TMC6: variants seen among roughly 807,000 people sequenced by gnomAD.
TMC6 encodes the protein transmembrane channel like 6.
Under a neutral mutation model 95.4 loss-of-function variants are expected in TMC6, and 71 were observed. The observed-to-expected ratio is 0.74, with a 90% CI of 0.61 to 0.91. The LOEUF is 0.91. Ranked by LOEUF, TMC6 falls within the 40% of genes least tolerant of loss-of-function variation. The probability of loss-of-function intolerance (pLI) is 0.00; values close to 1 mark genes in which losing one functional copy is unlikely to be tolerated. For synonymous variants in TMC6, 514 were observed against 483.1 expected, an observed-to-expected ratio of 1.06 and a Z score of -0.84; for missense variants, 1,074 against 1,079.1, an observed-to-expected ratio of 1.00 and a Z score of 0.07.
chr17:78,113,216 C>A lies in TMC6; in HGVS notation c.2355-5G>T. Reference sequence around the variant, plus strand: ...GCCTCCTCGGTTGTCCCAACCCTGCCAGAAAGAGACATCACTGAGGGGACC... The same window carrying A: ...GCCTCCTCGGTTGTCCCAACCCTGCAAGAAAGAGACATCACTGAGGGGACC... On this transcript the variant is annotated splice_region_variant and splice_polypyrimidine_tract_variant and intron_variant, in intron 19 of 19. Coordinates refer to ENST00000590602, the MANE Select transcript of TMC6 (RefSeq NM_001127198.5). 1 of 1,552,590 alleles carries A rather than the reference C, an allele frequency of 6.4e-7. No homozygotes were observed. Among genetic ancestry groups the A allele is most frequent in the East Asian group, 2.4e-5 (1 of 41,890 alleles).
chr17:78,130,817 G>C (rs2074944579), upstream of TMC6: 1 of 152,526 alleles, frequency 6.6e-6, no homozygotes, highest in Non-Finnish European at 1.5e-5. Context: ...TCTGAGAAGG[G>C]GACTCCTCCA....
chr17:78,113,977 A>G, intron 18 of TMC6: 1 of 373,800 alleles, frequency 2.7e-6, no homozygotes, highest in Admixed American at 3.7e-5. Context: ...AAGGGGGATA[A>G]TAACACAAGG....
Position 78,122,965 on chromosome 17 carries a change from G to C in TMC6, c.1083-216C>G, listed in dbSNP as rs961151620. On this transcript the variant is annotated intron_variant, in intron 9 of 19. Transcript: ENST00000590602. This position sits in a 1 kb window ranked among gnomAD's most constrained non-coding sequence, Gnocchi z 4.9. ...ACCCACCAGCCACATCTGCCTAGAAGAGGGGGCAGGGCTGCATTCACCGCG... is the reference window on the plus strand; with the variant it reads ...ACCCACCAGCCACATCTGCCTAGAACAGGGGGCAGGGCTGCATTCACCGCG... 13 of 667,108 alleles carry C rather than the reference G, an allele frequency of 1.9e-5. No homozygotes were observed. Among genetic ancestry groups the C allele is most frequent in the Non-Finnish European group, 3.4e-5 (13 of 384,264 alleles). 41.3% of individuals were successfully genotyped at this position (667,108 alleles called of 1,614,324 possible). A position where few individuals can be genotyped will look rare whatever the true frequency, so the allele number is the denominator to read the frequency against.
rs996260594 is a variant in TMC6, at chr17:78,113,197, T to A, written c.2369A>T (p.Glu790Val). Residue 790 changes from glutamate (E) to valine (V), a missense_variant, in exon 20 of 20, where the codon GAG (glutamate) becomes GTG (valine). Physicochemically the swap from Glu to Val is moderately radical, Grantham distance 121. Transcript: ENST00000590602. Reference protein sequence around the residue: ...REERSRVGTTEEAAAPPALLT... With the variant: ...REERSRVGTTVEAAAPPALLT... ...CAGGGCAGGGGGTGCCGCAGCCTCC[T>A]CGGTTGTCCCAACCCTGCCAGAAAG... The A allele has an allele frequency of 1.9e-6, 3 of 1,556,990 alleles. No homozygotes were observed. The Admixed American group carries it at 5.8e-5, about 30-fold the overall frequency.
chr17:78,126,057 G>T, intron 4 of TMC6, 173 bp from the exon 5 acceptor site: 2 of 1,143,360 alleles, frequency 1.7e-6, no homozygotes, highest in Non-Finnish European at 2.5e-6. Context: ...ACCCCGTGAT[G>T]ACTCTGGAGT....
At position 78,120,934 on chromosome 17, in the gene TMC6, G is replaced by A. The variant is rs962971490; in HGVS notation, c.1535+79C>T. 5 of 1,612,194 alleles carry A rather than the reference G, an allele frequency of 3.1e-6. No homozygotes were observed. In the Admixed American group the frequency reaches 6.7e-5, roughly 21 times the overall value. On this transcript the variant is annotated intron_variant, in intron 12 of 19. Coordinates refer to ENST00000590602, the MANE Select transcript of TMC6 (RefSeq NM_001127198.5). ...CTTGGTCACACCGGCCTCATCCTAA[G>A]TAGGTTTGGATACACCCGGAGCTAA...
In TMC6 at chr17:78,117,922, G is replaced by T. The variant is rs1302698539; in HGVS notation, c.1901C>A (p.Ala634Asp). 1 of 1,602,186 alleles carries T rather than the reference G, an allele frequency of 6.2e-7. No individual in the cohort carries two copies. The highest frequency in any genetic ancestry group is 8.5e-7 in the Non-Finnish European group (1 of 1,175,236). The change falls in exon 16 of 20, where the codon GCC becomes GAC. Residue 634 changes from alanine (A) to aspartate (D), a missense_variant. By Grantham distance (126) the Ala-to-Asp change is moderately radical. Transcript: ENST00000590602. Reference sequence around the variant, plus strand: ...GGGCCGGCGCGGCGCCTGGCAGTTGGCCAGAAGGCTGGTCTGTGGGGAAAG... The same window carrying T: ...GGGCCGGCGCGGCGCCTGGCAGTTGTCCAGAAGGCTGGTCTGTGGGGAAAG... ...VFYVKKTSLL[A>D]NCQAPRRPWL... is the part of the protein sequence containing the mutation.
chr17:78,129,289 C>T (rs1478701272), upstream of TMC6, among the ~76,000 whole-genome samples: 1 of 152,148 alleles, frequency 6.6e-6, no homozygotes, highest in South Asian at 2.1e-4. This position sits in a 1 kb window ranked among gnomAD's most constrained non-coding sequence, Gnocchi z 4.3. Context: ...AAGGAGGACA[C>T]GCTGACACTT....
chr17:78,129,381 C>T (rs1387341790), upstream of TMC6, among the ~76,000 whole-genome samples: 3 of 152,146 alleles, frequency 2.0e-5, no homozygotes, highest in Admixed American at 6.5e-5. This position sits in a 1 kb window ranked among gnomAD's most constrained non-coding sequence, Gnocchi z 4.3. Flanking sequence ...ACTGATATTC[C>T]CATTTCACAG....
intron 9 of TMC6, 76 bp downstream of exon 9, chr17:78,123,913 A>AT (rs1226665290): frequency 1.1e-5 from 18 of 1,566,578 alleles, no homozygotes; most frequent in Non-Finnish European, 1.3e-5. Context: ...AAGAGGGAAG[A>AT]ATCAATGAAT....
In TMC6 at chr17:78,119,215, G is replaced by A; in HGVS notation, c.1811+82C>T. The A allele has an allele frequency of 1.9e-6, 3 of 1,570,152 alleles. No individual in the cohort carries two copies. The South Asian group carries it at 3.3e-5, about 17-fold the overall frequency. ...GGCCGGGCCTGGCTGTGGCCCCAGG[G>A]GGAGGCAGGTACAGGACCCCCGGGG... On this transcript the variant is annotated intron_variant, in intron 14 of 19. Transcript: ENST00000590602.
In TMC6 at chr17:78,110,915, G is replaced by A. The variant is rs1275365420; in HGVS notation, c.*2233C>T. ...TGAAGAAATACGGGAGGTCCTCACT[G>A]GAGGGTCTGGGGCCACACGGTGGGT... On this transcript the variant is annotated 3_prime_UTR_variant, in exon 20 of 20. Transcript: ENST00000590602. 6.7e-6 allele frequency: 1 copy of A among 148,310 alleles called. No homozygotes were observed. Among genetic ancestry groups the A allele is most frequent in the Non-Finnish European group, 1.5e-5 (1 of 67,324 alleles). 9.2% of individuals were successfully genotyped at this position (148,310 alleles called of 1,614,324 possible). A position where few individuals can be genotyped will look rare whatever the true frequency, so the allele number is the denominator to read the frequency against.
Position 78,126,659 on chromosome 17 carries a change from G to A in TMC6, c.57-11C>T, listed in dbSNP as rs1568004033. On this transcript the variant is annotated splice_polypyrimidine_tract_variant and intron_variant, in intron 2 of 19. Transcript: ENST00000590602. ...GGGCTGGGGCCCTGGCTGCAGAGGG[G>A]GTTGGCGGGGGGGTCAGGCTCCAGC... 2 of 1,612,886 alleles carry A rather than the reference G, an allele frequency of 1.2e-6. No homozygotes were observed. Among genetic ancestry groups the A allele is most frequent in the Non-Finnish European group, 8.5e-7 (1 of 1,179,854 alleles).
chr17:78,126,149 G>A (rs1168134985), intron 4 of TMC6, 128 bp downstream of exon 4: 2 of 1,351,814 alleles, frequency 1.5e-6, no homozygotes, highest in South Asian at 2.7e-5. Context: ...AGCCCGCCCT[G>A]GGCCTGGCTC....
chr17:78,116,345 T>C (rs2074113391), intron 18 of TMC6, among the ~76,000 whole-genome samples: 1 of 147,784 alleles, frequency 6.8e-6, no homozygotes, highest in South Asian at 2.2e-4. Context: ...GGCACAATCA[T>C]AGCTCACTGC....
At position 78,125,757 on chromosome 17, in the gene TMC6, C is replaced by T. The variant is rs1315862053; in HGVS notation, c.399G>A (p.Leu133=). The T allele has an allele frequency of 6.4e-7, 1 of 1,568,458 alleles. No homozygotes were observed. Among genetic ancestry groups the T allele is most frequent in the South Asian group, 1.2e-5 (1 of 85,324 alleles). Residue 133 remains leucine, a synonymous_variant, in exon 5 of 20, where the codon CTG becomes CTA. Coordinates refer to ENST00000590602, the MANE Select transcript of TMC6 (RefSeq NM_001127198.5). ...CCTCCAGGGCCGTGGGGTCCAGCTC[C>T]AGGTCGTACAGGCGGAGGCTGGGCC... ...SAWPSLRLYD[L]ELDPTALEEE...
upstream of TMC6, chr17:78,131,941 G>C: frequency 6.6e-7 from 1 of 1,508,914 alleles, no homozygotes. Flanking sequence ...CAGCGCCGGC[G>C]GCAGACGGTG....
rs1480740509 is a variant in TMC6 at position 78,126,334 on chromosome 17, C to T, written c.214G>A (p.Gly72Ser). The T allele has an allele frequency of 6.3e-7, 1 of 1,579,166 alleles. No individual in the cohort carries two copies. Among genetic ancestry groups the T allele is most frequent in the Admixed American group, 1.8e-5 (1 of 56,034 alleles). Reference sequence around the variant, plus strand: ...CGGAGTGTGGCCGTGCTCTGGGTGCCCTCGGGCCGCCAGAGTGTCTGCTGG... The same window carrying T: ...CGGAGTGTGGCCGTGCTCTGGGTGCTCTCGGGCCGCCAGAGTGTCTGCTGG... Reference protein sequence around the residue: ...SSQQTLWRPEGTQSTATLRIL... With the variant: ...SSQQTLWRPESTQSTATLRIL... The change falls in exon 4 of 20, where the codon GGC (glycine) becomes AGC (serine). Residue 72 changes from glycine (G) to serine (S), a missense_variant. Gly to Ser is a moderately conservative substitution (Grantham distance 56, BLOSUM62 0). Coordinates refer to ENST00000590602, the MANE Select transcript of TMC6 (RefSeq NM_001127198.5).
upstream of TMC6, chr17:78,132,267 C>G (rs972949015): frequency 1.3e-6 from 2 of 1,511,844 alleles, no homozygotes; most frequent in Middle Eastern, 3.8e-4. Flanking sequence ...TGGCGGGCAC[C>G]CCACGCCGTC....
Sources: allele counts gnomAD v4.1 joint callset (sites outside exome capture counted in the v4.1 genomes callset), GRCh38; gene constraint gnomAD v4.1.1; non-coding constraint Gnocchi (gnomAD v3.1); transcripts MANE v1.5; gene names NCBI Gene and HGNC (gene_info 2026-07-23, HGNC 2026-07-21).